Variants in TEK observed in about 807,000 individuals in gnomAD.
The protein encoded by TEK is TEK receptor tyrosine kinase.
In TEK, 43 loss-of-function variants were observed where a neutral mutation model predicts 131.8. The ratio of observed to expected loss-of-function variants is 0.33; its 90% CI spans 0.26 to 0.42. TEK has a LOEUF of 0.42. TEK is among the 10% of genes least tolerant of loss of function. TEK has a pLI of 1.00. For synonymous variants in TEK, 580 were observed against 491.6 expected (o/e 1.18, Z -2.38); for missense variants, 1,162 against 1,384.4 (o/e 0.84, Z 2.55).
At chr9:27,114,576 A>G (rs1265886214) in intron 1 of TEK, among the ~76,000 whole-genome samples, 3 of 152,216 alleles carry the variant, frequency 2.0e-5, no homozygotes, top group African/African-American at 7.2e-5. Flanking sequence ...GTCTCAAAAA[A>G]AAATAAAAAA....
In TEK at chr9:27,169,576, G is replaced by C; in HGVS notation, c.575G>C (p.Arg192Thr). The C allele has an allele frequency of 6.2e-7, 1 of 1,614,120 alleles. No homozygotes were observed. The highest frequency in any genetic ancestry group is 1.1e-5 in the South Asian group (1 of 91,086). ...CAGGATGCTGGAGTGTACTCGGCCA[G>C]GTATATAGGAGGAAACCTCTTCACC... ...QPQDAGVYSARYIGGNLFTSA... is the reference protein window; with the variant it reads ...QPQDAGVYSATYIGGNLFTSA... The change falls in exon 4 of 23, where the codon AGG becomes ACG. Residue 192 changes from arginine (R) to threonine (T), a missense_variant. Physicochemically the swap from Arg to Thr is moderately conservative, Grantham distance 71 (BLOSUM62 -1). This residue lies in a region of TEK where 436 missense variants were observed against 539.1 expected (regional missense o/e 0.81). Transcript: ENST00000380036.
At chr9:27,165,197 C>T (rs1823684004) in intron 2 of TEK, among the ~76,000 whole-genome samples, 1 of 152,198 alleles carries the variant, frequency 6.6e-6, no homozygotes, top group African/African-American at 2.4e-5. Flanking sequence ...ATTGAGCCTA[C>T]TGGGGAACCT....
intron 2 of TEK, among the ~76,000 whole-genome samples, chr9:27,167,222 C>CTTATTTTATT (rs201897025): frequency 3.9e-4 from 57 of 147,852 alleles, no homozygotes. Context: ...AATCAATTGG[C>CTTATTTTATT]TTATTTTATT....
At chr9:27,196,758 T>C (rs1276606888) in intron 11 of TEK, among the ~76,000 whole-genome samples, 1 of 140,990 alleles carries the variant, frequency 7.1e-6, no homozygotes, top group Non-Finnish European at 1.5e-5. Flanking sequence ...GGCGGTGCTA[T>C]ACACTTTTTT....
intron 21 of TEK, among the ~76,000 whole-genome samples, chr9:27,222,114 T>A (rs1474474811): frequency 6.6e-6 from 1 of 152,152 alleles, no homozygotes; most frequent in Admixed American, 6.5e-5. Context: ...AATAGCTGAA[T>A]GGATCAAGTG....
chr9:27,121,076 CT>C (rs1821763758), intron 1 of TEK, among the ~76,000 whole-genome samples: 1 of 152,100 alleles, frequency 6.6e-6, no homozygotes, highest in Non-Finnish European at 1.5e-5. Flanking sequence ...AATCCCAGCA[CT>C]TTGGGAGGCT....
chr9:27,110,591 C>G (rs1270694937), intron 1 of TEK, among the ~76,000 whole-genome samples: 1 of 152,114 alleles, frequency 6.6e-6, no homozygotes, highest in Non-Finnish European at 1.5e-5. Flanking sequence ...TGGGAAAATT[C>G]ACTAAACTTC....
intron 12 of TEK, among the ~76,000 whole-genome samples, chr9:27,200,885 A>AG (rs1825191048): frequency 6.6e-6 from 1 of 152,212 alleles, no homozygotes; most frequent in Non-Finnish European, 1.5e-5. Context: ...TGAGGCACAG[A>AG]GGAGGGTAAG....
intron 1 of TEK, among the ~76,000 whole-genome samples, chr9:27,125,098 G>A (rs983402671): frequency 2.0e-5 from 3 of 152,112 alleles, no homozygotes; most frequent in Non-Finnish European, 4.4e-5. Flanking sequence ...CACCCGCCTC[G>A]GCCCTGTGTA....
Position 27,202,824 on chromosome 9 carries a change from T to G in TEK, c.1914T>G (p.Leu638=). The G allele has an allele frequency of 1.9e-6, 3 of 1,613,988 alleles. No homozygotes were observed. The highest frequency in any genetic ancestry group is 2.5e-6 in the Non-Finnish European group (3 of 1,179,884). Residue 638 remains leucine, a synonymous_variant, in exon 13 of 23, where the codon CTT becomes CTG. Coordinates refer to ENST00000380036, the MANE Select transcript of TEK (RefSeq NM_000459.5). ...TTTTTTCTTTTTAATTTCTAGTTCT[T>G]CCTCCTCAACCAGAAAACATCAAGA... ...DLTAWTLSDI[L]PPQPENIKIS... is the part of the protein sequence containing the mutation.
chr9:27,163,295 G>A (rs1823612021), intron 2 of TEK, among the ~76,000 whole-genome samples: 1 of 152,140 alleles, frequency 6.6e-6, no homozygotes, highest in African/African-American at 2.4e-5. Flanking sequence ...CAAAACAGAT[G>A]TGATCTTGCC....
At chr9:27,196,800 T>A (rs1182888510) in intron 11 of TEK, among the ~76,000 whole-genome samples, 1 of 150,006 alleles carries the variant, frequency 6.7e-6, no homozygotes, top group Admixed American at 6.6e-5. Context: ...TTTCATAATT[T>A]ATTTATTTTT....
chr9:27,213,725 G>T, intron 18 of TEK, 128 bp downstream of exon 18: 1 of 727,506 alleles, frequency 1.4e-6, no homozygotes, highest in Non-Finnish European at 2.5e-6. Flanking sequence ...AGTAGATACT[G>T]TGTGCCCTGG....
intron 16 of TEK, among the ~76,000 whole-genome samples, chr9:27,211,286 TTTAAA>T (rs975160778): frequency 6.7e-6 from 1 of 149,858 alleles, no homozygotes; most frequent in Non-Finnish European, 1.5e-5. Context: ...TAAATACATA[TTTAAA>T]TTATTTTAAA....
chr9:27,216,151 C>G (rs1269317902), intron 18 of TEK, among the ~76,000 whole-genome samples: 1 of 152,078 alleles, frequency 6.6e-6, no homozygotes. Flanking sequence ...GATTTGGGAT[C>G]TTGGAACCAT....
At chr9:27,205,357 A>G (rs1242387587) in intron 14 of TEK, among the ~76,000 whole-genome samples, 1 of 152,200 alleles carries the variant, frequency 6.6e-6, no homozygotes, top group East Asian at 1.9e-4. Context: ...CCTAGTAGTA[A>G]GTCCCCAGAG....
At chr9:27,184,747 T>C (rs929033216) in intron 8 of TEK, among the ~76,000 whole-genome samples, 4 of 152,052 alleles carry the variant, frequency 2.6e-5, no homozygotes, top group Non-Finnish European at 5.9e-5. Flanking sequence ...TGGTCAAAAA[T>C]GGCAAAGAGG....
chr9:27,193,131 T>C (rs1240076732), intron 11 of TEK, among the ~76,000 whole-genome samples: 2 of 152,232 alleles, frequency 1.3e-5, no homozygotes, highest in African/African-American at 4.8e-5. Context: ...GAAGCTTTTA[T>C]CTAAAGAACA....
intron 18 of TEK, among the ~76,000 whole-genome samples, chr9:27,216,837 G>A (rs1390366300): frequency 6.6e-6 from 1 of 152,128 alleles, no homozygotes; most frequent in East Asian, 1.9e-4. Flanking sequence ...GCTAATCTAG[G>A]TGGAGATGCC....
Sources: allele counts gnomAD v4.1 joint callset (sites outside exome capture counted in the v4.1 genomes callset), GRCh38; gene constraint gnomAD v4.1.1; regional missense constraint gnomAD v4.1.1; transcripts MANE v1.5; gene names NCBI Gene and HGNC (gene_info 2026-07-23, HGNC 2026-07-21).